INSYN2B: variants seen among roughly 807,000 people sequenced by gnomAD.
INSYN2B encodes protein INSYN2B.
A neutral mutation model predicts 41.2 loss-of-function variants in INSYN2B; 16 were observed. The ratio of observed to expected loss-of-function variants is 0.39; its 90% CI spans 0.26 to 0.59. The LOEUF is 0.59. INSYN2B is among the 20% of genes least tolerant of loss of function. The pLI is 0.57. For synonymous variants in INSYN2B, 245 were observed against 244.4 expected, an observed-to-expected ratio of 1.00 and a Z score of -0.02; for missense variants, 608 against 646.4, an observed-to-expected ratio of 0.94 and a Z score of 0.64.
rs1486052468 is a variant in INSYN2B at position 169,864,111 on chromosome 5, C to T, written c.*162G>A. On this transcript the variant is annotated 3_prime_UTR_variant, in exon 4 of 4. Transcript: ENST00000377365. ...TCAGGTAAGGATCGTGGTCAGGTGT[C>T]CAGCAGCGGCTACATCAGCTCCAAG... is the stretch of plus-strand genomic sequence containing the variant. 6.6e-6 allele frequency among the ~76,000 whole-genome samples: 1 copy of T among 152,194 alleles called. No homozygotes were observed. Among genetic ancestry groups the T allele is most frequent in the African/African-American group, 2.4e-5 (1 of 41,458 alleles).
At chr5:169,894,388 C>T (rs1395975936) in intron 1 of INSYN2B, among the ~76,000 whole-genome samples, 1 of 152,146 alleles carries the variant, frequency 6.6e-6, no homozygotes, top group African/African-American at 2.4e-5. Flanking sequence ...TGGAAGTACC[C>T]CCTTCTCCTG....
intron 1 of INSYN2B, among the ~76,000 whole-genome samples, chr5:169,909,439 GT>G (rs955897690): frequency 2.6e-5 from 4 of 152,136 alleles, no homozygotes; most frequent in African/African-American, 9.7e-5. Flanking sequence ...AAAAATCTAA[GT>G]TTTTTCTTTT....
At chr5:169,960,004 G>A (rs1193202239) in intron 1 of INSYN2B, among the ~76,000 whole-genome samples, 2 of 152,214 alleles carry the variant, frequency 1.3e-5, no homozygotes, top group Non-Finnish European at 2.9e-5. Context: ...TGTAAAGCTA[G>A]ATCATCAGAG....
chr5:169,901,591 C>T (rs1303654277), intron 1 of INSYN2B, among the ~76,000 whole-genome samples: 1 of 152,082 alleles, frequency 6.6e-6, no homozygotes, highest in East Asian at 1.9e-4. Context: ...CCAGGTAACA[C>T]ATGATGATGG....
At chr5:169,873,003 T>C (rs908937880) in intron 3 of INSYN2B, among the ~76,000 whole-genome samples, 1 of 152,206 alleles carries the variant, frequency 6.6e-6, no homozygotes, top group Non-Finnish European at 1.5e-5. Flanking sequence ...GATGGAGAAA[T>C]AAAGATCGGA....
chr5:169,931,772 G>A (rs758780794), intron 1 of INSYN2B, among the ~76,000 whole-genome samples: 3 of 152,172 alleles, frequency 2.0e-5, no homozygotes, highest in Non-Finnish European at 4.4e-5. Flanking sequence ...TGGAAGCACA[G>A]CCAAGTGGCC....
chr5:169,883,752 A>G lies in INSYN2B; in HGVS notation c.147T>C (p.Thr49=). Residue 49 remains threonine (T), a synonymous_variant, in exon 2 of 4, where the codon ACT becomes ACC. Transcript: ENST00000377365. ...TTTGGACGTCAACCTCAGCTAGGCC[A>G]GTTGGATTCTTAGTGGTCCCATCTT... ...FKEDGTTKNP[T]GLAEVDVQTP... is the part of the protein sequence containing the mutation. The G allele has an allele frequency of 6.4e-7, 1 of 1,551,622 alleles. No homozygotes were observed.
rs1777693485 is a variant in INSYN2B, at chr5:169,975,727, A to G, written c.-919+4550T>C. Reference sequence around the variant, plus strand: ...CTTTGTAATATTTCATTAGTGGCACATATCACTATCTAAAATGATCTTACA... The same window carrying G: ...CTTTGTAATATTTCATTAGTGGCACGTATCACTATCTAAAATGATCTTACA... On this transcript the variant is annotated intron_variant, in intron 1 of 3. Transcript: ENST00000377365. Among the ~76,000 whole-genome samples, 5 of 152,252 alleles carry G rather than the reference A, an allele frequency of 3.3e-5. No homozygotes were observed. In the South Asian group the frequency reaches 1.0e-3, roughly 31 times the overall value.
chr5:169,970,095 G>A (rs1023881010), intron 1 of INSYN2B, among the ~76,000 whole-genome samples: 1 of 152,180 alleles, frequency 6.6e-6, no homozygotes, highest in African/African-American at 2.4e-5. Context: ...CTGCCCTGAG[G>A]CCCCTTAAAG....
intron 1 of INSYN2B, among the ~76,000 whole-genome samples, chr5:169,902,573 T>A (rs990777700): frequency 5.3e-5 from 8 of 152,058 alleles, no homozygotes; most frequent in Non-Finnish European, 7.4e-5. Context: ...ATACTGAGGG[T>A]CAGCTGTTTT....
chr5:169,874,992 T>G (rs1306523554), intron 3 of INSYN2B, among the ~76,000 whole-genome samples: 1 of 152,054 alleles, frequency 6.6e-6, no homozygotes, highest in Non-Finnish European at 1.5e-5. Flanking sequence ...CATATATAAT[T>G]AGGTCTATAT....
chr5:169,959,421 A>G (rs1322134668), intron 1 of INSYN2B, among the ~76,000 whole-genome samples: 2 of 152,134 alleles, frequency 1.3e-5, no homozygotes, highest in African/African-American at 2.4e-5. Flanking sequence ...AGGGGAGTCC[A>G]GAAGATCATT....
At chr5:169,951,674 A>G (rs1290292461) in intron 1 of INSYN2B, among the ~76,000 whole-genome samples, 1 of 152,230 alleles carries the variant, frequency 6.6e-6, no homozygotes. Flanking sequence ...TATTAATAAT[A>G]ATGGTATAAT....
intron 1 of INSYN2B, among the ~76,000 whole-genome samples, chr5:169,915,991 C>G (rs985094333): frequency 1.3e-5 from 2 of 152,108 alleles, no homozygotes; most frequent in African/African-American, 2.4e-5. Flanking sequence ...CACACTAGAC[C>G]AGAAATATTA....
At chr5:169,915,820 T>A (rs1370078520) in intron 1 of INSYN2B, among the ~76,000 whole-genome samples, 1 of 152,228 alleles carries the variant, frequency 6.6e-6, no homozygotes, top group Non-Finnish European at 1.5e-5. Flanking sequence ...AGCTGGTACA[T>A]AAATCTAAGA....
At chr5:169,872,320 G>T (rs560039420) in intron 3 of INSYN2B, among the ~76,000 whole-genome samples, 1 of 152,294 alleles carries the variant, frequency 6.6e-6, no homozygotes, top group East Asian at 1.9e-4. Context: ...ACTTTGGAAG[G>T]CATCTCTGGG....
At chr5:169,945,509 A>T (rs796400817) in intron 1 of INSYN2B, among the ~76,000 whole-genome samples, 11 of 152,368 alleles carry the variant, frequency 7.2e-5, no homozygotes, top group African/African-American at 2.4e-4. Flanking sequence ...GTGTTGTCTC[A>T]TGCAATCTTC....
At chr5:169,968,282 C>T (rs982316129) in intron 1 of INSYN2B, among the ~76,000 whole-genome samples, 4 of 152,160 alleles carry the variant, frequency 2.6e-5, no homozygotes, top group Non-Finnish European at 5.9e-5. Context: ...CTGAGAAGAC[C>T]TTTGTCCTTT....
chr5:169,967,862 T>C (rs904859397), intron 1 of INSYN2B, among the ~76,000 whole-genome samples: 2 of 152,186 alleles, frequency 1.3e-5, no homozygotes, highest in African/African-American at 4.8e-5. Flanking sequence ...TGGCTTGTGA[T>C]TTATTGAATG....
Sources: allele counts gnomAD v4.1 joint callset (sites outside exome capture counted in the v4.1 genomes callset), GRCh38; gene constraint gnomAD v4.1.1; transcripts MANE v1.5; gene names NCBI Gene and HGNC (gene_info 2026-07-23, HGNC 2026-07-21).